The following CFAP57 variants were observed in gnomAD, a reference collection of about 807,000 sequenced individuals.
CFAP57 encodes the protein cilia- and flagella-associated protein 57.
CFAP57 carries 116 observed loss-of-function variants against 146.8 expected under a neutral mutation model. The ratio of observed to expected loss-of-function variants is 0.79; its 90% CI spans 0.68 to 0.92. CFAP57 has a LOEUF of 0.92. Among genes scored for constraint, CFAP57 ranks in the 40% least tolerant of loss-of-function variants. The pLI, the probability that CFAP57 is intolerant of heterozygous loss-of-function variation, is 0.00. For missense variants in CFAP57, 1,377 were observed against 1,527.2 expected (o/e 0.90, Z 1.64); for synonymous variants, 518 against 552.8 (o/e 0.94, Z 0.88).
At chr1:43,242,866 TATATA>T (rs747648097) in intron 21 of CFAP57, among the ~76,000 whole-genome samples, 50 of 151,786 alleles carry the variant, frequency 3.3e-4, no homozygotes, top group African/African-American at 2.2e-4. Context: ...TAATTATATA[TATATA>T]ATATAATAGC....
At chr1:43,185,439 T>TCAGA in intron 5 of CFAP57, 83 bp downstream of exon 5, 2 of 1,294,012 alleles carry the variant, frequency 1.5e-6, no homozygotes, top group Non-Finnish European at 1.1e-6. Flanking sequence ...AGAAGGCATC[T>TCAGA]GATGGGGAGG....
At chr1:43,242,533 G>A (rs1645965931) in intron 21 of CFAP57, among the ~76,000 whole-genome samples, 1 of 152,236 alleles carries the variant, frequency 6.6e-6, no homozygotes, top group Non-Finnish European at 1.5e-5. Context: ...TGCAGCAGAT[G>A]TTAATTATCC....
chr1:43,178,902 T>C (rs890216595), intron 2 of CFAP57, among the ~76,000 whole-genome samples: 9 of 152,112 alleles, frequency 5.9e-5, no homozygotes, highest in African/African-American at 2.2e-4. Flanking sequence ...CCATCAACGA[T>C]AGACTGGATT....
intron 5 of CFAP57, among the ~76,000 whole-genome samples, chr1:43,185,982 C>T (rs578237553): frequency 2.0e-5 from 3 of 151,512 alleles, no homozygotes; most frequent in Non-Finnish European, 2.9e-5. Flanking sequence ...GTCTGTAATC[C>T]CAGCTAGAAT....
chr1:43,254,051 G>A lies in CFAP57; in HGVS notation c.3613G>A (p.Glu1205Lys). 1.3e-6 allele frequency: 2 copies of A among 1,550,612 alleles called. No homozygotes were observed. The highest frequency in any genetic ancestry group is 3.9e-5 in the Admixed American group (2 of 50,998). ...GCAAGAAGAAACTGGGAGGATCATT[G>A]AAATGCAGCGCCTAGAAATCCAGCG... Reference protein sequence around the residue: ...NEQEETGRIIEMQRLEIQRLR... With the variant: ...NEQEETGRIIKMQRLEIQRLR... The change falls in exon 23 of 23, where the codon GAA (glutamate) becomes AAA (lysine). Residue 1205 changes from glutamate (E) to lysine (K), a missense_variant. By Grantham distance (56) the Glu-to-Lys change is moderately conservative. Transcript: ENST00000372492.
Position 43,181,854 on chromosome 1 carries a change from C to T in CFAP57, c.474+4C>T. 1 of 1,613,964 alleles carries T rather than the reference C, an allele frequency of 6.2e-7. No homozygotes were observed. Among genetic ancestry groups the T allele is most frequent in the Non-Finnish European group, 8.5e-7 (1 of 1,179,880 alleles). Reference sequence around the variant, plus strand: ...TCAGAACAACCCTGTCTACCAGGTACCTAGTAGTGTGACAAGTATCGTGAA... The same window carrying T: ...TCAGAACAACCCTGTCTACCAGGTATCTAGTAGTGTGACAAGTATCGTGAA... On this transcript the variant is annotated splice_donor_region_variant and intron_variant, in intron 3 of 22. Transcript: ENST00000372492.
In CFAP57 at chr1:43,181,861, G is replaced by A. The variant is rs779297581; in HGVS notation, c.474+11G>A. On this transcript the variant is annotated intron_variant, in intron 3 of 22. Transcript: ENST00000372492. The stretch of plus-strand genomic sequence containing the variant: ...AACCCTGTCTACCAGGTACCTAGTA[G>A]TGTGACAAGTATCGTGAAAATTATA... 1 of 1,613,494 alleles carries A rather than the reference G, an allele frequency of 6.2e-7. No individual in the cohort carries two copies. The highest frequency in any genetic ancestry group is 1.3e-5 in the African/African-American group (1 of 75,036).
In CFAP57 at chr1:43,234,599, G is replaced by A. The variant is rs1355903791; in HGVS notation, c.3366G>A (p.Glu1122=). 6.5e-7 allele frequency: 1 copy of A among 1,550,348 alleles called. No individual in the cohort carries two copies. The highest frequency in any genetic ancestry group is 1.4e-5 in the African/African-American group (1 of 73,016). ...LATLKKKVVK[E]GELHRTDYVR... ...CTCTCAAGAAGAAGGTGGTCAAGGA[G>A]GGCGAGCTGCACCGCACAGACTACG... The change falls in exon 21 of 23, where the codon GAG becomes GAA. Residue 1122 remains glutamate (E), a synonymous_variant. Transcript: ENST00000372492.
chr1:43,223,185 G>T (rs1645116569), intron 16 of CFAP57, among the ~76,000 whole-genome samples, 188 bp downstream of exon 16: 1 of 152,190 alleles, frequency 6.6e-6, no homozygotes, highest in African/African-American at 2.4e-5. Context: ...CCTCGTCCTT[G>T]GAAAGGCAGC....
chr1:43,180,213 T>A (rs967050804), intron 2 of CFAP57, among the ~76,000 whole-genome samples: 20 of 136,194 alleles, frequency 1.5e-4, no homozygotes, highest in Admixed American at 3.0e-4. Context: ...TCTCAAAAAA[T>A]ATATATATTT....
intron 9 of CFAP57, among the ~76,000 whole-genome samples, chr1:43,204,606 A>G (rs1012149609): frequency 6.6e-6 from 1 of 151,986 alleles, no homozygotes; most frequent in Non-Finnish European, 1.5e-5. Flanking sequence ...ACTCAGATCT[A>G]TTTTTCATCT....
intron 12 of CFAP57, among the ~76,000 whole-genome samples, chr1:43,217,716 G>A (rs1003781782): frequency 4.0e-4 from 60 of 151,850 alleles, no homozygotes; most frequent in African/African-American, 1.3e-3. Flanking sequence ...TGCAGTTGCC[G>A]CCCACCCACC....
chr1:43,248,299 T>C (rs1312462749), intron 22 of CFAP57, among the ~76,000 whole-genome samples: 1 of 151,246 alleles, frequency 6.6e-6, no homozygotes, highest in African/African-American at 2.4e-5. Context: ...CTCCCCTACA[T>C]TGTTTCATAA....
chr1:43,195,181 T>A (rs1643787929), intron 6 of CFAP57, among the ~76,000 whole-genome samples: 1 of 152,116 alleles, frequency 6.6e-6, no homozygotes, highest in Admixed American at 6.5e-5. Flanking sequence ...TGTTATCCAG[T>A]AGTCTGCACT....
At chr1:43,206,456 C>A in intron 9 of CFAP57, 1 of 485,016 alleles carries the variant, frequency 2.1e-6, no homozygotes, top group South Asian at 2.9e-5. Context: ...TGGTTCTAGC[C>A]TTAAGAAACC....
intron 9 of CFAP57, among the ~76,000 whole-genome samples, chr1:43,200,224 G>C (rs924473614): frequency 2.0e-5 from 3 of 152,196 alleles, no homozygotes; most frequent in Admixed American, 2.0e-4. Context: ...GGTGGCTTAT[G>C]CCTATAATCT....
chr1:43,210,172 T>C lies in CFAP57; in HGVS notation c.1929+256T>C, dbSNP rs549396036. On this transcript the variant is annotated intron_variant, in intron 11 of 22. Transcript: ENST00000372492. ...GTTTTCACCATAATATTATGCATAATAAGGGGCCGTTTGGTGGATGCCGTA... is the reference window on the plus strand; with the variant it reads ...GTTTTCACCATAATATTATGCATAACAAGGGGCCGTTTGGTGGATGCCGTA... The C allele has an allele frequency of 2.6e-6, 4 of 1,553,738 alleles. No homozygotes were observed. In the South Asian group the frequency reaches 4.6e-5, roughly 18 times the overall value.
chr1:43,233,022 A>G (rs1028896342), intron 19 of CFAP57, among the ~76,000 whole-genome samples: 5 of 152,216 alleles, frequency 3.3e-5, no homozygotes, highest in African/African-American at 1.2e-4. Context: ...TCCATGTTAT[A>G]AATAAGAAAA....
Position 43,222,186 on chromosome 1 carries a change from A to G in CFAP57, c.2423A>G (p.Glu808Gly), listed in dbSNP as rs75967600. The change falls in exon 15 of 23, where the codon GAG becomes GGG. Residue 808 changes from glutamate to glycine, a missense_variant. Transcript: ENST00000372492. Reference sequence around the variant, plus strand: ...CTCAAGTCCCAGAGGATGCAGGAAGAGTATGAAAAACAGCTCCGGGATAAC... The same window carrying G: ...CTCAAGTCCCAGAGGATGCAGGAAGGGTATGAAAAACAGCTCCGGGATAAC... The part of the protein sequence containing the change: ...LQLKSQRMQE[E>G]YEKQLRDNDE... 1.5e-3 allele frequency: 2,374 copies of G among 1,545,628 alleles called. 32 individuals are homozygous for G. The African/African-American group carries it at 0.03, about 20-fold the overall frequency.
Sources: gnomAD v4.1 joint callset for allele counts (sites outside exome capture counted in the v4.1 genomes callset) on GRCh38, gnomAD v4.1.1 for gene constraint, MANE v1.5 for transcripts, NCBI Gene and HGNC (gene_info 2026-07-23, HGNC 2026-07-21) for gene names.